Variants in PTPRD observed in about 807,000 individuals in gnomAD.
PTPRD encodes protein tyrosine phosphatase receptor type D, also known as receptor-type tyrosine-protein phosphatase delta.
A neutral mutation model predicts 214.5 loss-of-function variants in PTPRD; 34 were observed. The observed-to-expected ratio is 0.16, with a 90% CI of 0.12 to 0.21. The LOEUF is 0.21. Ranked by LOEUF, PTPRD falls within the 10% of genes least tolerant of loss-of-function variation. PTPRD has a pLI of 1.00. For missense variants in PTPRD, 2,545 were observed against 2,398.7 expected, an observed-to-expected ratio of 1.06 and a Z score of -1.27; for synonymous variants, 1,128 against 845.7, an observed-to-expected ratio of 1.33 and a Z score of -5.79.
At position 9,404,636 on chromosome 9, in the gene PTPRD, G is replaced by C. The variant is rs190302350; in HGVS notation, c.-236-7154C>G. On this transcript the variant is annotated intron_variant, in intron 8 of 45. Transcript: ENST00000381196. ...GCCATTTTAAGTGGGACATATATTA[G>C]ATACATGAGTACAAGTGTCAAGTAG... Among the ~76,000 whole-genome samples, 209 of 152,188 alleles carry C rather than the reference G, an allele frequency of 1.4e-3. 2 individuals are homozygous for C. The highest frequency in any genetic ancestry group is 4.7e-3 in the African/African-American group (197 of 41,540).
At chr9:10,573,054 A>G (rs2067997271) in intron 2 of PTPRD, among the ~76,000 whole-genome samples, 1 of 152,152 alleles carries the variant, frequency 6.6e-6, no homozygotes, top group Non-Finnish European at 1.5e-5. Context: ...GAAATTTGAC[A>G]GGATCTGGGC....
At chr9:9,434,449 CTACAGATT>C in intron 8 of PTPRD, among the ~76,000 whole-genome samples, 1 of 152,266 alleles carries the variant, frequency 6.6e-6, no homozygotes. Context: ...CCAAAGTGAT[CTACAGATT>C]TTATGCAATC....
chr9:8,326,443 T>C (rs955228280), intron 44 of PTPRD, among the ~76,000 whole-genome samples: 7 of 151,756 alleles, frequency 4.6e-5, no homozygotes, highest in South Asian at 2.1e-4. Flanking sequence ...GTGGATAAGC[T>C]TTTTGATGTG....
chr9:9,066,849 T>C (rs553143830), intron 10 of PTPRD, among the ~76,000 whole-genome samples: 1 of 152,320 alleles, frequency 6.6e-6, no homozygotes, highest in South Asian at 2.1e-4. Flanking sequence ...TTTGACCCAG[T>C]GACTCTGATT....
At chr9:10,514,079 TC>T (rs745401910) in intron 2 of PTPRD, among the ~76,000 whole-genome samples, 2 of 152,098 alleles carry the variant, frequency 1.3e-5, no homozygotes. Context: ...ACAAATCCAA[TC>T]TACATTTTAA....
intron 5 of PTPRD, among the ~76,000 whole-genome samples, chr9:9,868,217 G>T (rs941019821): frequency 1.3e-5 from 2 of 152,062 alleles, no homozygotes; most frequent in Non-Finnish European, 2.9e-5. Flanking sequence ...GAAAGAGAAA[G>T]ATCAAAGATA....
chr9:8,333,854 C>CAA (rs60751885), intron 43 of PTPRD, among the ~76,000 whole-genome samples: 6 of 147,638 alleles, frequency 4.1e-5, no homozygotes, highest in Admixed American at 1.4e-4. Flanking sequence ...AAATGGAAGG[C>CAA]AAAAAAAAAG....
intron 14 of PTPRD, among the ~76,000 whole-genome samples, chr9:8,547,056 T>C (rs1376033314): frequency 6.6e-6 from 1 of 152,190 alleles, no homozygotes; most frequent in African/African-American, 2.4e-5. Flanking sequence ...ATGTGAAACA[T>C]TCCTCCATAA....
At chr9:10,363,999 T>TTTTTTG (rs1565556825) in intron 2 of PTPRD, among the ~76,000 whole-genome samples, 8 of 7,910 alleles carry the variant, frequency 1.0e-3, no homozygotes, top group African/African-American at 2.3e-3. Context: ...GGGTTTTTTT[T>TTTTTTG]TTTTTTTTTT....
intron 3 of PTPRD, among the ~76,000 whole-genome samples, chr9:10,061,484 C>CT (rs1046180992): frequency 3.3e-5 from 5 of 152,048 alleles, no homozygotes; most frequent in Non-Finnish European, 5.9e-5. Flanking sequence ...TCTGTGGTAG[C>CT]TTTTTTCTCA....
chr9:8,522,684 G>A (rs908510842), intron 19 of PTPRD, among the ~76,000 whole-genome samples: 14 of 152,152 alleles, frequency 9.2e-5, no homozygotes, highest in Non-Finnish European at 1.8e-4. Context: ...GCAGGTTTAT[G>A]TGTGTTTAAG....
intron 5 of PTPRD, among the ~76,000 whole-genome samples, chr9:9,840,865 T>TTTGGTTTGGTGATAAATATAAGGAG (rs1183749999): frequency 4.0e-5 from 6 of 150,800 alleles, no homozygotes; most frequent in Non-Finnish European, 7.4e-5. Flanking sequence ...TTTCTTCCAA[T>TTTGGTTTGGTGATAAATATAAGGAG]TTGGTTTGGT....
intron 9 of PTPRD, among the ~76,000 whole-genome samples, chr9:9,207,131 G>A (rs2099945361): frequency 6.6e-6 from 1 of 152,158 alleles, no homozygotes; most frequent in African/African-American, 2.4e-5. Context: ...AAGAAGTCAA[G>A]TTTGACTCTT....
intron 14 of PTPRD, among the ~76,000 whole-genome samples, chr9:8,555,975 A>G (rs2083617906): frequency 6.6e-6 from 1 of 152,192 alleles, no homozygotes; most frequent in Non-Finnish European, 1.5e-5. Context: ...CATTTCTCTG[A>G]TGTGGAACAA....
At chr9:10,098,504 TAAAATA>T (rs1335195602) in intron 3 of PTPRD, among the ~76,000 whole-genome samples, 4 of 151,418 alleles carry the variant, frequency 2.6e-5, no homozygotes, top group African/African-American at 9.7e-5. Flanking sequence ...AATAATAAAA[TAAAATA>T]AAAATAAAAA....
intron 7 of PTPRD, among the ~76,000 whole-genome samples, chr9:9,649,503 A>C (rs2096279554): frequency 1.3e-5 from 2 of 152,326 alleles, no homozygotes; most frequent in African/African-American, 4.8e-5. Flanking sequence ...AGAGTCTTCT[A>C]AACAGAAAAA....
chr9:8,359,226 C>G (rs2077827103), intron 39 of PTPRD, among the ~76,000 whole-genome samples: 4 of 150,732 alleles, frequency 2.7e-5, no homozygotes, highest in Admixed American at 2.6e-4. Context: ...CCAGCAGCAT[C>G]AGCAGCATGT....
chr9:8,560,378 C>G (rs912431118), intron 14 of PTPRD, among the ~76,000 whole-genome samples: 5 of 149,240 alleles, frequency 3.4e-5, no homozygotes, highest in African/African-American at 9.9e-5. Context: ...TGGAAGAAAA[C>G]AATACAGGTA....
chr9:10,352,781 T>A (rs753171540), intron 2 of PTPRD, among the ~76,000 whole-genome samples: 10 of 152,016 alleles, frequency 6.6e-5, no homozygotes, highest in Non-Finnish European at 1.2e-4. Context: ...TGTAAATGAC[T>A]AAAGGTAAGT....
Sources: gnomAD v4.1 joint callset for allele counts (sites outside exome capture counted in the v4.1 genomes callset) on GRCh38, gnomAD v4.1.1 for gene constraint, MANE v1.5 for transcripts, NCBI Gene and HGNC (gene_info 2026-07-23, HGNC 2026-07-21) for gene names.